The following PDE8A variants were observed in gnomAD, a reference collection of about 807,000 sequenced individuals.
PDE8A encodes the protein high affinity cAMP-specific and IBMX-insensitive 3',5'-cyclic phosphodiesterase 8A.
PDE8A carries 59 observed loss-of-function variants against 105.0 expected under a neutral mutation model. The ratio of observed to expected loss-of-function variants is 0.56; its 90% CI spans 0.46 to 0.70. The LOEUF (loss-of-function observed/expected upper bound fraction) is 0.70. Among genes scored for constraint, PDE8A ranks in the 30% least tolerant of loss-of-function variants. PDE8A has a pLI of 0.00. For synonymous variants in PDE8A, 355 were observed against 371.9 expected, an observed-to-expected ratio of 0.95 and a Z score of 0.52; for missense variants, 1,014 against 1,045.9, an observed-to-expected ratio of 0.97 and a Z score of 0.42.
intron 1 of PDE8A, among the ~76,000 whole-genome samples, chr15:85,000,457 G>A (rs2080049290): frequency 6.6e-6 from 1 of 152,176 alleles, no homozygotes; most frequent in African/African-American, 2.4e-5. Flanking sequence ...TGAATCTCTT[G>A]GGTAATCACA....
intron 1 of PDE8A, among the ~76,000 whole-genome samples, chr15:85,018,752 A>G (rs1338041064): frequency 6.6e-6 from 1 of 152,226 alleles, no homozygotes. Context: ...AATCTTTGCT[A>G]ATTTGGATGA....
At chr15:84,992,375 C>G (rs538556289) in intron 1 of PDE8A, among the ~76,000 whole-genome samples, 1 of 152,042 alleles carries the variant, frequency 6.6e-6, no homozygotes, top group East Asian at 1.9e-4. Context: ...AGGAAGGGTA[C>G]GGGGGTTGGG....
At chr15:84,999,783 C>T (rs2080038716) in intron 1 of PDE8A, among the ~76,000 whole-genome samples, 1 of 151,822 alleles carries the variant, frequency 6.6e-6, no homozygotes. Context: ...ACCATGTTAG[C>T]CAGGATGGTC....
intron 12 of PDE8A, among the ~76,000 whole-genome samples, chr15:85,111,787 A>G (rs55770707): frequency 0.088 from 13,444 of 152,220 alleles, 1,632 homozygotes; most frequent in African/African-American, 0.28. Flanking sequence ...TGAAATCTCA[A>G]TAATGGTGAG....
chr15:85,034,176 AAC>A (rs775689602), intron 1 of PDE8A, among the ~76,000 whole-genome samples: 1 of 152,266 alleles, frequency 6.6e-6, no homozygotes, highest in African/African-American at 2.4e-5. Flanking sequence ...ACACTGGAGC[AAC>A]AGTGAGAAAC....
intron 1 of PDE8A, among the ~76,000 whole-genome samples, chr15:84,993,181 T>C (rs12909357): frequency 0.097 from 14,728 of 152,122 alleles, 777 homozygotes; most frequent in Non-Finnish European, 0.12. Context: ...TGGTGGCTCA[T>C]GCCTGTAATC....
intron 1 of PDE8A, among the ~76,000 whole-genome samples, chr15:85,014,784 A>G (rs552835976): frequency 4.6e-5 from 7 of 152,276 alleles, no homozygotes; most frequent in Admixed American, 3.9e-4. Context: ...ATTGAAATAT[A>G]ATTCATATAC....
intron 8 of PDE8A, among the ~76,000 whole-genome samples, chr15:85,094,617 T>C (rs779068254): frequency 6.6e-6 from 1 of 152,232 alleles, no homozygotes; most frequent in Non-Finnish European, 1.5e-5. Context: ...CTGTCTCTGC[T>C]CATGGACCTA....
At chr15:84,997,272 C>T (rs2142167996) in intron 1 of PDE8A, among the ~76,000 whole-genome samples, 1 of 152,156 alleles carries the variant, frequency 6.6e-6, no homozygotes, top group South Asian at 2.1e-4. Context: ...TGGCTTACTG[C>T]AACCTCTGTC....
chr15:85,135,019 A>T (rs1403607832), intron 20 of PDE8A, among the ~76,000 whole-genome samples: 1 of 152,134 alleles, frequency 6.6e-6, no homozygotes, highest in Non-Finnish European at 1.5e-5. Context: ...AGATGCTGGG[A>T]CGAGAGAACT....
chr15:85,075,957 A>G (rs778505474), intron 4 of PDE8A, 39 bp downstream of exon 4: 1 of 1,139,218 alleles, frequency 8.8e-7, no homozygotes, highest in South Asian at 1.3e-5. Flanking sequence ...TTGAGGTACC[A>G]GTGTAATACT....
At chr15:85,014,367 C>G (rs1234781248) in intron 1 of PDE8A, among the ~76,000 whole-genome samples, 1 of 152,114 alleles carries the variant, frequency 6.6e-6, no homozygotes, top group African/African-American at 2.4e-5. Context: ...TGGTGATATT[C>G]TAATTCTCTC....
intron 9 of PDE8A, chr15:85,099,713 A>G (rs1012892111): frequency 8.2e-6 from 3 of 367,020 alleles, no homozygotes; most frequent in African/African-American, 2.1e-5. Flanking sequence ...CATGTTAAGG[A>G]ACTAAAGGCT....
chr15:85,113,953 A>T lies in PDE8A; in HGVS notation c.1266A>T (p.Leu422=), dbSNP rs890925479. 6.2e-7 allele frequency: 1 copy of T among 1,613,678 alleles called. No individual in the cohort carries two copies. The highest frequency in any genetic ancestry group is 2.2e-5 in the East Asian group (1 of 44,896). The change falls in exon 14 of 22, where the codon CTA becomes CTT. Residue 422 remains leucine (L), a synonymous_variant. Coordinates refer to ENST00000394553, the MANE Select transcript of PDE8A (RefSeq NM_002605.3). The part of the protein sequence containing the change: ...TEALDRVLEI[L]RTTELYSPQF... ...CCCTAGACCGTGTGCTGGAAATTCT[A>T]AGAACCACTGAGTTATATTCACCAC...
chr15:85,032,831 C>T (rs991288112), intron 1 of PDE8A, among the ~76,000 whole-genome samples: 4 of 152,254 alleles, frequency 2.6e-5, no homozygotes, highest in Admixed American at 6.5e-5. Context: ...AATGAGATTT[C>T]GGGTAATCAC....
chr15:85,004,879 T>A (rs2080121623), intron 1 of PDE8A, among the ~76,000 whole-genome samples: 1 of 151,752 alleles, frequency 6.6e-6, no homozygotes, highest in African/African-American at 2.4e-5. Flanking sequence ...TAGACAATGT[T>A]TTCTCTCTGG....
At chr15:85,086,162 C>G (rs2081549589) in intron 6 of PDE8A, among the ~76,000 whole-genome samples, 1 of 152,100 alleles carries the variant, frequency 6.6e-6, no homozygotes, top group African/African-American at 2.4e-5. Flanking sequence ...AATCTCATGT[C>G]CTACCCGCAA....
chr15:84,984,582 G>C (rs1003980230), intron 1 of PDE8A, among the ~76,000 whole-genome samples: 1 of 152,150 alleles, frequency 6.6e-6, no homozygotes, highest in African/African-American at 2.4e-5. Context: ...TAGTCCTACA[G>C]CATTTAGTAA....
intron 1 of PDE8A, among the ~76,000 whole-genome samples, chr15:85,017,462 AGT>A (rs34703175): frequency 0.68 from 102,912 of 151,752 alleles, 35,514 homozygotes; most frequent in Non-Finnish European, 0.75. Context: ...TGCATTGGAT[AGT>A]ATCTTTAATA....
Sources: gnomAD v4.1 joint callset for allele counts (sites outside exome capture counted in the v4.1 genomes callset) on GRCh38, gnomAD v4.1.1 for gene constraint, MANE v1.5 for transcripts, NCBI Gene and HGNC (gene_info 2026-07-23, HGNC 2026-07-21) for gene names.